The following MYO19 variants were observed in gnomAD, a reference collection of about 807,000 sequenced individuals.
MYO19 encodes unconventional myosin-XIX.
A neutral mutation model predicts 129.2 loss-of-function variants in MYO19; 132 were observed. That is an observed-to-expected ratio of 1.02 (90% CI 0.89 to 1.18). MYO19 has a LOEUF of 1.18. Among genes scored for constraint, MYO19 ranks in the 50% most tolerant of loss-of-function variants. The pLI is 0.00. For missense variants in MYO19, 1,210 were observed against 1,216.7 expected (o/e 0.99, Z 0.08); for synonymous variants, 531 against 477.2 (o/e 1.11, Z -1.47).
chr17:36,501,048 C>T lies in MYO19; in HGVS notation c.2247+21G>A, dbSNP rs376322429. 67 of 1,604,472 alleles carry T rather than the reference C, an allele frequency of 4.2e-5. No homozygotes were observed. The Middle Eastern group carries it at 5.0e-4, about 12-fold the overall frequency. ...GCACACAGCTTGCCTCTGTAACCTC[C>T]TCATCCCCAAACCAGCTCACCATAG... On this transcript the variant is annotated intron_variant, in intron 22 of 25. Coordinates refer to ENST00000614623, the MANE Select transcript of MYO19 (RefSeq NM_001163735.2).
At chr17:36,501,004 C>A (rs765106071) in intron 22 of MYO19, 45 bp from the exon 23 acceptor site, 2 of 1,604,036 alleles carry the variant, frequency 1.2e-6, no homozygotes, top group South Asian at 2.2e-5. Flanking sequence ...TCTCCCCCTG[C>A]CCCCTCCTGC....
chr17:36,504,968 G>T, intron 19 of MYO19: 1 of 469,978 alleles, frequency 2.1e-6, no homozygotes, highest in Admixed American at 2.9e-5. Flanking sequence ...TGGCTGCACT[G>T]TGCGGGGACT....
At chr17:36,509,972 C>G (rs2142011226) in intron 13 of MYO19, 1 of 152,344 alleles carries the variant, frequency 6.6e-6, no homozygotes, top group Non-Finnish European at 1.5e-5. Flanking sequence ...GCCTCAGCTG[C>G]CCTGGACCAT....
At chr17:36,502,197 G>T (rs2071581202) in intron 21 of MYO19, among the ~76,000 whole-genome samples, 1 of 152,144 alleles carries the variant, frequency 6.6e-6, no homozygotes, top group African/African-American at 2.4e-5. Flanking sequence ...CTCTGCCTGT[G>T]TCTGGGCCCT....
In MYO19 at chr17:36,498,510, T is replaced by G. The variant is rs759422518; in HGVS notation, c.2513A>C (p.Lys838Thr). ...AAKELDGVEE[K>T]HFSQAPCSLS... ...GGAACAGGGAGCTTGAGAGAAGTGTTTTTCTTCCACACCATCCAGCTCTTT... is the reference window on the plus strand; with the variant it reads ...GGAACAGGGAGCTTGAGAGAAGTGTGTTTCTTCCACACCATCCAGCTCTTT... Residue 838 changes from lysine to threonine, a missense_variant, in exon 25 of 26, where the codon AAA (lysine) becomes ACA (threonine). By Grantham distance (78) the Lys-to-Thr change is moderately conservative. Coordinates refer to ENST00000614623, the MANE Select transcript of MYO19 (RefSeq NM_001163735.2). 2.5e-6 allele frequency: 4 copies of G among 1,614,010 alleles called. No individual in the cohort carries two copies. The highest frequency in any genetic ancestry group is 2.2e-5 in the South Asian group (2 of 91,082).
chr17:36,498,904 G>C, intron 24 of MYO19, 171 bp downstream of exon 24: 2 of 610,020 alleles, frequency 3.3e-6, no homozygotes, highest in Non-Finnish European at 5.8e-6. Context: ...CACCCTGCAG[G>C]GTAGGTGTTA....
At position 36,516,003 on chromosome 17, in the gene MYO19, C is replaced by T. The variant is rs1429385115; in HGVS notation, c.415-13G>A. 1.2e-6 allele frequency: 2 copies of T among 1,604,582 alleles called. No homozygotes were observed. The highest frequency in any genetic ancestry group is 1.7e-5 in the Admixed American group (1 of 59,646). On this transcript the variant is annotated splice_polypyrimidine_tract_variant and intron_variant, in intron 6 of 25. Transcript: ENST00000614623. ...GAGACGTCCATGTCTGTGGCAGAAA[C>T]AGCCCTGTGGGAGCTGTATCTATGC...
intron 6 of MYO19, among the ~76,000 whole-genome samples, chr17:36,522,028 T>TAAA (rs370448301): frequency 4.3e-4 from 49 of 115,194 alleles, no homozygotes; most frequent in South Asian, 1.1e-3. Context: ...AGACTGTCTT[T>TAAA]AAAAAAAAAA....
intron 6 of MYO19, among the ~76,000 whole-genome samples, chr17:36,518,621 T>C (rs1170958865): frequency 6.8e-6 from 1 of 146,014 alleles, no homozygotes; most frequent in African/African-American, 2.5e-5. Flanking sequence ...TATATATATG[T>C]CTCCTTAGAA....
rs757955468 is a variant in MYO19, at chr17:36,513,478, G to T, written c.845C>A (p.Ala282Asp). 4 of 1,614,006 alleles carry T rather than the reference G, an allele frequency of 2.5e-6. No individual in the cohort carries two copies. The highest frequency in any genetic ancestry group is 3.4e-6 in the Non-Finnish European group (4 of 1,179,888). Reference sequence around the variant, plus strand: ...GGTGTCAATGCCCAAATGGAGCATGGCCTCTCTGGTCACCTCAAAACAATC... The same window carrying T: ...GGTGTCAATGCCCAAATGGAGCATGTCCTCTCTGGTCACCTCAAAACAATC... The part of the protein sequence containing the change: ...EEDCFEVTRE[A>D]MLHLGIDTPT... Residue 282 changes from alanine to aspartate, a missense_variant, in exon 11 of 26, where the codon GCC becomes GAC. By Grantham distance (126) the Ala-to-Asp change is moderately radical. Coordinates refer to ENST00000614623, the MANE Select transcript of MYO19 (RefSeq NM_001163735.2).
intron 11 of MYO19, chr17:36,512,750 A>AG: frequency 1.6e-6 from 2 of 1,289,014 alleles, no homozygotes; most frequent in Non-Finnish European, 2.0e-6. Context: ...CTCGACTGCC[A>AG]GGCCATCCTA....
intron 3 of MYO19, among the ~76,000 whole-genome samples, chr17:36,529,117 A>G (rs2073671593): frequency 6.6e-6 from 1 of 151,464 alleles, no homozygotes; most frequent in South Asian, 2.1e-4. Context: ...AAGAATAAGC[A>G]CCAAGGGAAC....
Position 36,507,391 on chromosome 17 carries a change from C to T in MYO19, c.1467+8G>A. 2.5e-6 allele frequency: 4 copies of T among 1,611,020 alleles called. No individual in the cohort carries two copies. The highest frequency in any genetic ancestry group is 3.4e-6 in the Non-Finnish European group (4 of 1,178,198). ...TCTGGTGCTCGGCTCATTAGCTGAC[C>T]TCCCCACCTCATTTATGAGGGAGCA... On this transcript the variant is annotated splice_region_variant and intron_variant, in intron 16 of 25. Coordinates refer to ENST00000614623, the MANE Select transcript of MYO19 (RefSeq NM_001163735.2).
chr17:36,507,323 A>T, intron 16 of MYO19, 76 bp downstream of exon 16: 1 of 1,471,154 alleles, frequency 6.8e-7, no homozygotes, highest in Non-Finnish European at 9.4e-7. Context: ...CACAGAGAGG[A>T]AACAGGATAA....
chr17:36,502,631 T>C (rs1044957747), intron 21 of MYO19, among the ~76,000 whole-genome samples: 1 of 152,160 alleles, frequency 6.6e-6, no homozygotes, highest in African/African-American at 2.4e-5. Context: ...CAGTGCCTGC[T>C]CATCTGCCCA....
At chr17:36,498,703 A>G in intron 24 of MYO19, 144 bp from the exon 25 acceptor site, 7 of 894,242 alleles carry the variant, frequency 7.8e-6, no homozygotes, top group Non-Finnish European at 1.2e-5. Flanking sequence ...CCCTGAACCA[A>G]ACTGGTTCCA....
chr17:36,535,844 C>T (rs527297572), upstream of MYO19, among the ~76,000 whole-genome samples: 1 of 150,844 alleles, frequency 6.6e-6, no homozygotes, highest in Non-Finnish European at 1.5e-5. Flanking sequence ...TTTTTTCACT[C>T]CTGGCCTTAA....
chr17:36,536,555 T>G (rs1291620841), upstream of MYO19, among the ~76,000 whole-genome samples: 10 of 145,650 alleles, frequency 6.9e-5, no homozygotes, highest in African/African-American at 2.5e-4. Flanking sequence ...AGATGGAGTC[T>G]CACTCTGTGG....
intron 6 of MYO19, among the ~76,000 whole-genome samples, chr17:36,523,505 ATTAT>A (rs1156444478): frequency 3.3e-5 from 5 of 152,306 alleles, no homozygotes; most frequent in East Asian, 1.9e-4. Context: ...AAATGGGGCA[ATTAT>A]TTATTTATTA....
Sources: allele counts gnomAD v4.1 joint callset (sites outside exome capture counted in the v4.1 genomes callset), GRCh38; gene constraint gnomAD v4.1.1; transcripts MANE v1.5; gene names NCBI Gene and HGNC (gene_info 2026-07-23, HGNC 2026-07-21).